KAZN: variants seen among roughly 807,000 people sequenced by gnomAD.
KAZN encodes kazrin, periplakin interacting protein, also known as kazrin.
KAZN carries 40 observed loss-of-function variants against 87.4 expected under a neutral mutation model. That is an observed-to-expected ratio of 0.46 (90% CI 0.36 to 0.60). The LOEUF is 0.60. KAZN is among the 20% of genes least tolerant of loss of function. The pLI is 0.00. For missense variants in KAZN, 898 were observed against 1,073.9 expected, an observed-to-expected ratio of 0.84 and a Z score of 2.29; for synonymous variants, 466 against 458.3, an observed-to-expected ratio of 1.02 and a Z score of -0.22.
chr1:14,093,592 C>A (rs185459632), intron 1 of KAZN, among the ~76,000 whole-genome samples: 3 of 151,906 alleles, frequency 2.0e-5, no homozygotes, highest in East Asian at 3.9e-4. Context: ...AGCCCTGAGA[C>A]AATTGGGACA....
Position 15,066,253 on chromosome 1 carries a change from T to C in KAZN, c.1222+500T>C, listed in dbSNP as rs1307266621. On this transcript the variant is annotated intron_variant, in intron 8 of 14. Transcript: ENST00000376030. This position sits in a 1 kb window ranked among gnomAD's most constrained non-coding sequence, Gnocchi z 4.3. ...TAAATAACAAAACTATTGTGCACTC[T>C]GTGCTTGTAAATGTCCCTCGTCCAA... 1 of 986,154 alleles carries C rather than the reference T, an allele frequency of 1.0e-6. No individual in the cohort carries two copies. Among genetic ancestry groups the C allele is most frequent in the African/African-American group, 1.7e-5 (1 of 57,242 alleles). 61.1% of individuals were successfully genotyped at this position (986,154 alleles called of 1,614,324 possible).
At chr1:14,910,090 A>AATGAATGC (rs1557611657) in intron 1 of KAZN, among the ~76,000 whole-genome samples, 1 of 152,084 alleles carries the variant, frequency 6.6e-6, no homozygotes, top group Non-Finnish European at 1.5e-5. Context: ...TGAATGAATG[A>AATGAATGC]ATGCCTGGCC....
intron 1 of KAZN, among the ~76,000 whole-genome samples, chr1:14,137,404 A>G (rs567929872): frequency 4.9e-4 from 75 of 152,216 alleles, no homozygotes; most frequent in Admixed American, 1.7e-3. Flanking sequence ...CCATCTACTG[A>G]CCAGAACCAG....
At chr1:15,067,815 T>C (rs1172735555) in intron 8 of KAZN, 2 of 984,452 alleles carry the variant, frequency 2.0e-6, no homozygotes, top group Non-Finnish European at 1.2e-6. Context: ...GCTGGCATCT[T>C]TCTCTACGGA....
At chr1:13,903,391 A>G (rs1205302542) in intron 1 of KAZN, among the ~76,000 whole-genome samples, 3 of 152,196 alleles carry the variant, frequency 2.0e-5, no homozygotes, top group African/African-American at 7.2e-5. Flanking sequence ...GGCCCTTTAT[A>G]TCAAGCATCC....
At chr1:15,078,991 TAAGA>T (rs1405831607) in intron 8 of KAZN, among the ~76,000 whole-genome samples, 1 of 152,188 alleles carries the variant, frequency 6.6e-6, no homozygotes, top group African/African-American at 2.4e-5. Flanking sequence ...ACCACTGGCT[TAAGA>T]AACTCCCGGG....
chr1:14,391,704 C>T (rs1258229799), intron 2 of KAZN: 1 of 152,174 alleles, frequency 6.6e-6, no homozygotes, highest in Non-Finnish European at 1.5e-5. Context: ...ATCATTGACA[C>T]AAATGGGCTC....
At chr1:14,211,549 A>G (rs1213381840) in intron 2 of KAZN, among the ~76,000 whole-genome samples, 1 of 151,966 alleles carries the variant, frequency 6.6e-6, no homozygotes, top group Non-Finnish European at 1.5e-5. Context: ...TGTAATTTTT[A>G]TTTCAAGAAT....
At chr1:14,970,005 G>A (rs1430451710) in intron 2 of KAZN, among the ~76,000 whole-genome samples, 1 of 152,078 alleles carries the variant, frequency 6.6e-6, no homozygotes, top group South Asian at 2.1e-4. Context: ...GTAGAGCTGG[G>A]GTTTCACCGT....
chr1:14,347,612 G>C (rs1184936898), intron 2 of KAZN, among the ~76,000 whole-genome samples: 1 of 152,174 alleles, frequency 6.6e-6, no homozygotes, highest in African/African-American at 2.4e-5. Flanking sequence ...GGCTGCTTCT[G>C]CAGTTGTCAA....
chr1:14,796,039 C>T (rs554586152), intron 1 of KAZN, among the ~76,000 whole-genome samples: 1 of 152,324 alleles, frequency 6.6e-6, no homozygotes, highest in African/African-American at 2.4e-5. Flanking sequence ...GTGAACTCCT[C>T]ATGGGAGGAA....
At chr1:14,379,990 T>TATC (rs1661239552) in intron 2 of KAZN, among the ~76,000 whole-genome samples, 1 of 152,198 alleles carries the variant, frequency 6.6e-6, no homozygotes, top group Non-Finnish European at 1.5e-5. Context: ...GAGGTGTTTA[T>TATC]ATCACCCCAC....
chr1:14,449,277 G>A lies in KAZN; in HGVS notation c.250-149706G>A, dbSNP rs999235044. On this transcript the variant is annotated intron_variant, in intron 2 of 16. Transcript: ENST00000636203. Reference sequence around the variant, plus strand: ...TTCATTATCAAGTAAGCTGCCCCACGAGTTGCTGGAATGGCTGCTGGCCAT... The same window carrying A: ...TTCATTATCAAGTAAGCTGCCCCACAAGTTGCTGGAATGGCTGCTGGCCAT... Among the ~76,000 whole-genome samples, 2 of 152,144 alleles carry A rather than the reference G, an allele frequency of 1.3e-5. 1 individual carries two copies. Among genetic ancestry groups the A allele is most frequent in the Admixed American group, 1.3e-4 (2 of 15,274 alleles).
chr1:14,463,132 G>C (rs1169649329), intron 2 of KAZN, among the ~76,000 whole-genome samples: 1 of 152,168 alleles, frequency 6.6e-6, no homozygotes, highest in African/African-American at 2.4e-5. Flanking sequence ...TTGAGGAATG[G>C]ATTATTTAGA....
At chr1:15,101,486 G>A (rs502918) in intron 10 of KAZN, 57 bp from the exon 11 acceptor site, 708,855 of 1,219,326 alleles carry the variant, frequency 0.58, 208,200 homozygotes, top group East Asian at 0.78. Context: ...CTGCCCGTCC[G>A]TCTGTTTCTG....
chr1:14,421,099 A>G (rs553115708), intron 2 of KAZN, among the ~76,000 whole-genome samples: 1 of 152,358 alleles, frequency 6.6e-6, no homozygotes, highest in Admixed American at 6.5e-5. Context: ...ATTGGTCTTA[A>G]ACACTATGCC....
At chr1:14,695,616 T>C (rs1438352044) in intron 1 of KAZN, among the ~76,000 whole-genome samples, 1 of 151,024 alleles carries the variant, frequency 6.6e-6, no homozygotes, top group Non-Finnish European at 1.5e-5. Context: ...AGCGATTGTC[T>C]TGCCTCAGCC....
In KAZN at chr1:15,094,867, G is replaced by A; in HGVS notation, c.1481G>A (p.Ser494Asn). 4 of 1,550,716 alleles carry A rather than the reference G, an allele frequency of 2.6e-6. No homozygotes were observed. The highest frequency in any genetic ancestry group is 3.5e-6 in the Non-Finnish European group (4 of 1,146,832). The change falls in exon 10 of 15, where the codon AGC (serine) becomes AAC (asparagine). Residue 494 changes from serine (S) to asparagine (N), a missense_variant. By Grantham distance (46) the Ser-to-Asn change is conservative. Around this residue, in one of 3 missense-constraint regions of KAZN, gnomAD observed 521 missense variants for 689.4 expected, o/e 0.76. Coordinates refer to ENST00000376030, the MANE Select transcript of KAZN (RefSeq NM_201628.3). The surrounding 1 kb of genome is among the most constrained non-coding windows in gnomAD (Gnocchi z 4.5). Reference protein sequence around the residue: ...EDLQLGLGVCSSLHRRKLRLA... With the variant: ...EDLQLGLGVCNSLHRRKLRLA... ...CTGCAGCTGGGCCTTGGGGTGTGCA[G>A]CTCCCTGCACCGGCGCAAGCTGCGC...
Position 15,021,199 on chromosome 1 carries a change from C to A in KAZN, c.419-13550C>A, listed in dbSNP as rs1204866838. Among the ~76,000 whole-genome samples, 1 of 152,188 alleles carries A rather than the reference C, an allele frequency of 6.6e-6. No homozygotes were observed. Among genetic ancestry groups the A allele is most frequent in the Non-Finnish European group, 1.5e-5 (1 of 68,046 alleles). On this transcript the variant is annotated intron_variant, in intron 2 of 14. Coordinates refer to ENST00000376030, the MANE Select transcript of KAZN (RefSeq NM_201628.3). This position sits in a 1 kb window ranked among gnomAD's most constrained non-coding sequence, Gnocchi z 4.2. ...TCCACCGGCCATTCCCTGCTCCATG[C>A]TGCCTCTTCCTCCTTTCTCAAGACC...
Sources: gnomAD v4.1 joint callset for allele counts (sites outside exome capture counted in the v4.1 genomes callset) on GRCh38, gnomAD v4.1.1 for gene constraint, gnomAD v4.1.1 regional missense constraint, Gnocchi (gnomAD v3.1) non-coding constraint, MANE v1.5 for transcripts, NCBI Gene and HGNC (gene_info 2026-07-23, HGNC 2026-07-21) for gene names.